The following NKAIN3 variants were observed in gnomAD, a reference collection of about 807,000 sequenced individuals.
NKAIN3 encodes sodium/potassium transporting ATPase interacting 3, also known as sodium/potassium-transporting ATPase subunit beta-1-interacting protein 3.
NKAIN3 carries 25 observed loss-of-function variants against 30.2 expected under a neutral mutation model. The observed-to-expected ratio is 0.83, with a 90% CI of 0.60 to 1.16. The LOEUF is 1.16. Among genes scored for constraint, NKAIN3 ranks in the 50% most tolerant of loss-of-function variants. NKAIN3 has a pLI of 0.00. For missense variants in NKAIN3, 225 were observed against 254.1 expected, an observed-to-expected ratio of 0.89 and a Z score of 0.78; for synonymous variants, 91 against 89.6, an observed-to-expected ratio of 1.02 and a Z score of -0.09.
intron 1 of NKAIN3, among the ~76,000 whole-genome samples, chr8:62,361,567 A>G (rs1816565377): frequency 6.6e-6 from 1 of 152,246 alleles, no homozygotes; most frequent in African/African-American, 2.4e-5. Context: ...ATGGAGAACT[A>G]CTGTTAATAA....
At chr8:62,400,003 G>A (rs192939056) in intron 1 of NKAIN3, among the ~76,000 whole-genome samples, 1 of 152,188 alleles carries the variant, frequency 6.6e-6, no homozygotes, top group Admixed American at 6.5e-5. Flanking sequence ...ACATAGAGGG[G>A]CTAGGACTTC....
At chr8:62,530,719 A>G (rs1355684515) in intron 1 of NKAIN3, among the ~76,000 whole-genome samples, 6 of 151,764 alleles carry the variant, frequency 4.0e-5, no homozygotes, top group Non-Finnish European at 7.4e-5. Context: ...GCTCACTGCA[A>G]CCTCCGCCTC....
intron 3 of NKAIN3, among the ~76,000 whole-genome samples, chr8:62,644,014 G>C (rs1259425546): frequency 6.6e-6 from 1 of 152,028 alleles, no homozygotes; most frequent in African/African-American, 2.4e-5. Flanking sequence ...GTTAGTTTTG[G>C]TGAATAAGAA....
rs1824027620 is a variant in NKAIN3 at position 62,979,592 on chromosome 8, C to G, written c.*14185C>G. The G allele has an allele frequency of 6.6e-6, 1 of 152,206 alleles. No individual in the cohort carries two copies. Among genetic ancestry groups the G allele is most frequent in the Non-Finnish European group, 1.5e-5 (1 of 68,042 alleles). The allele number at this position is 152,206 out of a possible 1,614,324, so 9.4% of individuals were successfully genotyped here. A position where few individuals can be genotyped will look rare whatever the true frequency, so the allele number is the denominator to read the frequency against. On this transcript the variant is annotated 3_prime_UTR_variant, in exon 7 of 7. Coordinates refer to ENST00000623646, the MANE Select transcript of NKAIN3 (RefSeq NM_001304533.3). ...TGTCTAATACGATGTGGCATTTTCTCTATACAGTACAGTTTTAGCATTGAA... is the reference window on the plus strand; with the variant it reads ...TGTCTAATACGATGTGGCATTTTCTGTATACAGTACAGTTTTAGCATTGAA...
At chr8:62,848,904 G>A (rs1819772737) in intron 4 of NKAIN3, among the ~76,000 whole-genome samples, 1 of 152,058 alleles carries the variant, frequency 6.6e-6, no homozygotes, top group South Asian at 2.1e-4. Flanking sequence ...GGCCTTTTCT[G>A]CATCTATTGA....
At chr8:62,424,622 A>G (rs1410439630) in intron 1 of NKAIN3, among the ~76,000 whole-genome samples, 1 of 151,946 alleles carries the variant, frequency 6.6e-6, no homozygotes, top group Non-Finnish European at 1.5e-5. Context: ...ACCTGTTCAG[A>G]TGGCTGTTAT....
chr8:62,975,753 G>T lies in NKAIN3; in HGVS notation c.*10346G>T, dbSNP rs189819385. On this transcript the variant is annotated 3_prime_UTR_variant, in exon 7 of 7. Coordinates refer to ENST00000623646, the MANE Select transcript of NKAIN3 (RefSeq NM_001304533.3). ...TAATTCTTTTAATTGTGATGTTAGC[G>T]TGTTGATTGTAGATGTTTAGATTTT... 6.6e-6 allele frequency among the ~76,000 whole-genome samples: 1 copy of T among 152,064 alleles called. No individual in the cohort carries two copies. Among genetic ancestry groups the T allele is most frequent in the East Asian group, 1.9e-4 (1 of 5,186 alleles).
At chr8:62,458,345 A>G (rs927490113) in intron 1 of NKAIN3, among the ~76,000 whole-genome samples, 1 of 152,240 alleles carries the variant, frequency 6.6e-6, no homozygotes, top group Non-Finnish European at 1.5e-5. Context: ...CTAAGTATAT[A>G]ATGTTTACAA....
At chr8:62,503,667 A>G (rs1216680846) in intron 1 of NKAIN3, among the ~76,000 whole-genome samples, 1 of 151,980 alleles carries the variant, frequency 6.6e-6, no homozygotes, top group Non-Finnish European at 1.5e-5. Context: ...GGGTCTTAAT[A>G]TTATATTCCC....
At chr8:62,985,158 A>G (rs552425842), downstream of NKAIN3, among the ~76,000 whole-genome samples, 14 of 152,228 alleles carry the variant, frequency 9.2e-5, no homozygotes, top group Non-Finnish European at 1.5e-4. Context: ...TGCCCACTGC[A>G]GACAGCTGCT....
intron 4 of NKAIN3, among the ~76,000 whole-genome samples, chr8:62,881,123 C>G (rs1263364430): frequency 2.6e-5 from 4 of 152,104 alleles, no homozygotes; most frequent in African/African-American, 9.7e-5. Context: ...TTACCAAAAG[C>G]CCATCATTTT....
intron 1 of NKAIN3, among the ~76,000 whole-genome samples, chr8:62,509,960 T>A (rs1359197651): frequency 6.6e-6 from 1 of 152,126 alleles, no homozygotes; most frequent in Non-Finnish European, 1.5e-5. Context: ...AATATGTATA[T>A]TTTAAGTGAC....
At chr8:62,839,526 A>C (rs1375645209) in intron 4 of NKAIN3, among the ~76,000 whole-genome samples, 1 of 152,176 alleles carries the variant, frequency 6.6e-6, no homozygotes, top group African/African-American at 2.4e-5. Context: ...GTATGTATCA[A>C]ATAAATGAAA....
chr8:62,733,122 C>A (rs990464833), intron 3 of NKAIN3, among the ~76,000 whole-genome samples: 2 of 152,022 alleles, frequency 1.3e-5, no homozygotes, highest in African/African-American at 4.8e-5. Flanking sequence ...TAAACTTTTA[C>A]CACCCACATT....
intron 3 of NKAIN3, among the ~76,000 whole-genome samples, chr8:62,603,670 C>A (rs1352216028): frequency 6.6e-6 from 1 of 152,070 alleles, no homozygotes; most frequent in Non-Finnish European, 1.5e-5. Context: ...TAATTAGTGT[C>A]TTGCACACAT....
chr8:62,512,563 C>G (rs757962979), intron 1 of NKAIN3, among the ~76,000 whole-genome samples: 4 of 152,030 alleles, frequency 2.6e-5, no homozygotes, highest in Non-Finnish European at 5.9e-5. Context: ...TTCAATTCTC[C>G]CAGCTGCCTC....
In NKAIN3 at chr8:62,967,743, A is replaced by T. The variant is rs1487399045; in HGVS notation, c.*2336A>T. Among the ~76,000 whole-genome samples, 1 of 152,242 alleles carries T rather than the reference A, an allele frequency of 6.6e-6. No individual in the cohort carries two copies. The highest frequency in any genetic ancestry group is 1.5e-5 in the Non-Finnish European group (1 of 68,042). On this transcript the variant is annotated 3_prime_UTR_variant, in exon 7 of 7. Transcript: ENST00000623646. ...AACTGTAGAGAGTCAGTAAAAAAGG[A>T]TAAAATGAGTATTGACATATTTTAA...
At chr8:62,734,630 C>T (rs1455286327) in intron 3 of NKAIN3, among the ~76,000 whole-genome samples, 1 of 152,066 alleles carries the variant, frequency 6.6e-6, no homozygotes, top group African/African-American at 2.4e-5. Context: ...GATTTGAATA[C>T]TCCAAGAGAA....
At chr8:62,307,137 G>A (rs1183916038) in intron 1 of NKAIN3, among the ~76,000 whole-genome samples, 1 of 149,698 alleles carries the variant, frequency 6.7e-6, no homozygotes, top group Admixed American at 6.6e-5. Flanking sequence ...GAGTCCTTGG[G>A]TAGCTAAGCA....
Sources: gnomAD v4.1 joint callset for allele counts (sites outside exome capture counted in the v4.1 genomes callset) on GRCh38, gnomAD v4.1.1 for gene constraint, MANE v1.5 for transcripts, NCBI Gene and HGNC (gene_info 2026-07-23, HGNC 2026-07-21) for gene names.